MAGI3: variants seen among roughly 807,000 people sequenced by gnomAD.
The protein encoded by MAGI3 is membrane associated guanylate kinase, WW and PDZ domain containing 3, also known as membrane-associated guanylate kinase, WW and PDZ domain-containing protein 3.
A neutral mutation model predicts 121.8 loss-of-function variants in MAGI3; 43 were observed. That is an observed-to-expected ratio of 0.35 (90% CI 0.28 to 0.46). The LOEUF is 0.46. MAGI3 is among the 20% of genes least tolerant of loss of function. The probability of loss-of-function intolerance (pLI) is 1.00; values close to 1 mark genes in which losing one functional copy is unlikely to be tolerated. For missense variants in MAGI3, 1,547 were observed against 1,797.3 expected (o/e 0.86, Z 2.52); for synonymous variants, 553 against 639.3 (o/e 0.86, Z 2.04).
rs554916899 is a variant in MAGI3 at position 113,414,302 on chromosome 1, G to A, written c.316+22953G>A. 5.9e-5 allele frequency among the ~76,000 whole-genome samples: 9 copies of A among 152,126 alleles called. No homozygotes were observed. The East Asian group carries it at 1.2e-3, about 20-fold the overall frequency. On this transcript the variant is annotated intron_variant, in intron 1 of 20. Transcript: ENST00000307546. ...TGCCAGTATTTTATTGAGGATTTTC[G>A]CATCGATGTTCATCAGGGATATTGG...
intron 1 of MAGI3, among the ~76,000 whole-genome samples, chr1:113,400,917 A>G (rs908522818): frequency 2.0e-5 from 3 of 152,150 alleles, no homozygotes; most frequent in Non-Finnish European, 4.4e-5. Context: ...CTAAGTTTAG[A>G]CAACCTTACT....
chr1:113,556,002 T>C (rs1659974875), intron 2 of MAGI3, among the ~76,000 whole-genome samples: 1 of 152,142 alleles, frequency 6.6e-6, no homozygotes, highest in South Asian at 2.1e-4. Flanking sequence ...TACAAAATAT[T>C]ACACATATCA....
intron 2 of MAGI3, among the ~76,000 whole-genome samples, chr1:113,570,326 A>G (rs1232188153): frequency 1.3e-5 from 2 of 152,080 alleles, no homozygotes; most frequent in Non-Finnish European, 2.9e-5. Context: ...AGTCTTTGCT[A>G]TTGTGAATAG....
chr1:113,661,386 G>A (rs1653778924), intron 16 of MAGI3, among the ~76,000 whole-genome samples: 1 of 152,162 alleles, frequency 6.6e-6, no homozygotes, highest in South Asian at 2.1e-4. Flanking sequence ...AGGCACTATG[G>A]TTTTCCAATT....
intron 10 of MAGI3, 71 bp from the exon 11 acceptor site, chr1:113,643,672 A>G: frequency 7.0e-7 from 1 of 1,431,246 alleles, no homozygotes; most frequent in Non-Finnish European, 9.9e-7. Flanking sequence ...GTTTTATCGT[A>G]AACATTAGCA....
At position 113,683,023 on chromosome 1, in the gene MAGI3, T is replaced by C; in HGVS notation, c.3455T>C (p.Leu1152Ser). ...ESHVPVIEES[L>S]RVQICEKAEE... ...CACGTGCCAGTAATTGAAGAATCTTTGAGAGTTCAGATATGTGAAAAGGCA... is the reference window on the plus strand; with the variant it reads ...CACGTGCCAGTAATTGAAGAATCTTCGAGAGTTCAGATATGTGAAAAGGCA... The change falls in exon 21 of 21, where the codon TTG becomes TCG. Residue 1152 changes from leucine (L) to serine (S), a missense_variant. By Grantham distance (145) the Leu-to-Ser change is moderately radical. Transcript: ENST00000307546. The C allele has an allele frequency of 1.2e-6, 2 of 1,613,964 alleles. No homozygotes were observed. Among genetic ancestry groups the C allele is most frequent in the Non-Finnish European group, 1.7e-6 (2 of 1,179,880 alleles).
chr1:113,656,856 G>A (rs1653501736), intron 15 of MAGI3, among the ~76,000 whole-genome samples: 1 of 152,168 alleles, frequency 6.6e-6, no homozygotes, highest in Non-Finnish European at 1.5e-5. Context: ...AGGGATCCAG[G>A]TCTAGCATCC....
chr1:113,457,600 T>C (rs1654821969), intron 1 of MAGI3, among the ~76,000 whole-genome samples: 1 of 152,112 alleles, frequency 6.6e-6, no homozygotes, highest in African/African-American at 2.4e-5. Context: ...TTTTAAGTGC[T>C]AGTTCCTGTT....
Position 113,390,999 on chromosome 1 carries a change from C to G in MAGI3, c.-35C>G, listed in dbSNP as rs1461348854. The G allele has an allele frequency of 6.7e-7, 1 of 1,501,738 alleles. No homozygotes were observed. The highest frequency in any genetic ancestry group is 2.3e-4 in the Middle Eastern group (1 of 4,288). 93.0% of individuals were successfully genotyped at this position (1,501,738 alleles called of 1,614,324 possible). On this transcript the variant is annotated 5_prime_UTR_variant, in exon 1 of 21. Transcript: ENST00000307546. ...GCCGGAGCGGCGCCCCGGCCGCCCG[C>G]GCGGGGTCTCCCCCATGGTGCAGCG...
At chr1:113,486,041 G>A (rs1656364923) in intron 1 of MAGI3, among the ~76,000 whole-genome samples, 1 of 152,136 alleles carries the variant, frequency 6.6e-6, no homozygotes, top group Admixed American at 6.5e-5. Flanking sequence ...TTTTATACCA[G>A]TACCATGCTG....
chr1:113,559,567 C>CTTT lies in MAGI3; in HGVS notation c.433+9942_433+9944dup, dbSNP rs200737453. Among the ~76,000 whole-genome samples the CTTT allele has an allele frequency of 1.7e-3, 261 of 150,624 alleles. 5 individuals are homozygous for CTTT. The highest frequency in any genetic ancestry group is 2.8e-3 in the African/African-American group (116 of 41,026). ...AGGAGCACCCAGATTCATAAAGTTC[C>CTTT]TTTTTTTTGTTTTTTTTTGAGAGGG... is the stretch of plus-strand genomic sequence containing the variant. On this transcript the variant is annotated intron_variant, in intron 2 of 20. Transcript: ENST00000307546.
At chr1:113,640,213 TAAAA>T (rs1652368568) in intron 9 of MAGI3, among the ~76,000 whole-genome samples, 1 of 152,186 alleles carries the variant, frequency 6.6e-6, no homozygotes, top group African/African-American at 2.4e-5. Context: ...TGGTGATTAT[TAAAA>T]AATCAAGAAA....
chr1:113,641,443 G>A (rs1285269025), intron 9 of MAGI3, among the ~76,000 whole-genome samples: 7 of 151,254 alleles, frequency 4.6e-5, no homozygotes, highest in Non-Finnish European at 7.4e-5. Flanking sequence ...TAAGGACAGC[G>A]TCTTTTTCAG....
chr1:113,572,769 T>A lies in MAGI3; in HGVS notation c.434-7773T>A, dbSNP rs182671199. 6.6e-4 allele frequency among the ~76,000 whole-genome samples: 100 copies of A among 152,308 alleles called. 1 individual carries two copies. The highest frequency in any genetic ancestry group is 2.2e-3 in the African/African-American group (93 of 41,572). On this transcript the variant is annotated intron_variant, in intron 2 of 20. Transcript: ENST00000307546. The stretch of plus-strand genomic sequence containing the variant: ...CTTTATCATTTTTTATTGCATTTAT[T>A]TGATTCTTCTCTCTTTTCTTCTTTT...
intron 1 of MAGI3, among the ~76,000 whole-genome samples, chr1:113,457,150 G>T (rs1213451528): frequency 6.6e-6 from 1 of 152,154 alleles, no homozygotes; most frequent in Non-Finnish European, 1.5e-5. Context: ...GCAGTCATGA[G>T]TCAGGGGAAG....
At chr1:113,428,984 A>C (rs1425919525) in intron 1 of MAGI3, among the ~76,000 whole-genome samples, 1 of 152,302 alleles carries the variant, frequency 6.6e-6, no homozygotes, top group East Asian at 1.9e-4. Context: ...CAGCACTCAC[A>C]TGTGTCTTGT....
At chr1:113,566,779 A>G (rs1660449594) in intron 2 of MAGI3, among the ~76,000 whole-genome samples, 1 of 152,118 alleles carries the variant, frequency 6.6e-6, no homozygotes, top group South Asian at 2.1e-4. Flanking sequence ...AACTTATGGA[A>G]TATAGTAAAA....
At chr1:113,465,515 GT>G (rs544479200) in intron 1 of MAGI3, among the ~76,000 whole-genome samples, 15 of 150,982 alleles carry the variant, frequency 9.9e-5, no homozygotes, top group East Asian at 3.9e-4. Context: ...TAAATGTTAA[GT>G]TTTTTTTTCT....
intron 13 of MAGI3, among the ~76,000 whole-genome samples, 193 bp downstream of exon 13, chr1:113,649,521 A>T (rs1430877917): frequency 6.6e-6 from 1 of 152,162 alleles, no homozygotes; most frequent in Admixed American, 6.5e-5. Flanking sequence ...GTGGGTAAAA[A>T]CTGAATATGT....
Sources: allele counts gnomAD v4.1 joint callset (sites outside exome capture counted in the v4.1 genomes callset), GRCh38; gene constraint gnomAD v4.1.1; transcripts MANE v1.5; gene names NCBI Gene and HGNC (gene_info 2026-07-23, HGNC 2026-07-21).